The following LRBA variants were observed in gnomAD, a reference collection of about 807,000 sequenced individuals.
LRBA encodes LPS responsive beige-like anchor protein, also known as lipopolysaccharide-responsive and beige-like anchor protein.
Under a neutral mutation model 330.0 loss-of-function variants are expected in LRBA, and 176 were observed. The observed-to-expected ratio is 0.53, with a 90% CI of 0.47 to 0.60. The LOEUF is 0.60. LRBA is among the 20% of genes least tolerant of loss of function. LRBA has a pLI of 0.00. For missense variants in LRBA, 3,259 were observed against 3,444.8 expected (o/e 0.95, Z 1.35); for synonymous variants, 1,230 against 1,193.0 (o/e 1.03, Z -0.64).
chr4:150,651,516 T>G (rs980712761), intron 37 of LRBA, among the ~76,000 whole-genome samples: 2 of 152,172 alleles, frequency 1.3e-5, no homozygotes, highest in African/African-American at 4.8e-5. Context: ...CATTCATTGG[T>G]TTCTGTACCA....
rs183403869 is a variant in LRBA at position 150,535,825 on chromosome 4, T to C, written c.6331-44790A>G. Among the ~76,000 whole-genome samples the C allele has an allele frequency of 2.2e-4, 33 of 152,252 alleles. 1 individual carries two copies. In the East Asian group the frequency reaches 3.9e-3, roughly 18 times the overall value. On this transcript the variant is annotated intron_variant, in intron 40 of 56. Coordinates refer to ENST00000651943, the MANE Select transcript of LRBA (RefSeq NM_001364905.1). ...GACAAGGGTGCTGTGGCCCATACAT[T>C]TGCTAGTATTCCTCTTACTGACTCT...
chr4:150,589,460 T>C (rs1162419026), intron 39 of LRBA, among the ~76,000 whole-genome samples: 1 of 152,214 alleles, frequency 6.6e-6, no homozygotes, highest in African/African-American at 2.4e-5. Flanking sequence ...TTCCCAAAGC[T>C]CATCCTTATA....
intron 51 of LRBA, among the ~76,000 whole-genome samples, chr4:150,312,788 G>T (rs113234157): frequency 1.3e-5 from 2 of 151,994 alleles, no homozygotes; most frequent in Non-Finnish European, 2.9e-5. Context: ...TATATGAATT[G>T]CCACTAATGC....
chr4:150,918,470 C>T (rs142491853), intron 5 of LRBA, among the ~76,000 whole-genome samples: 3 of 152,246 alleles, frequency 2.0e-5, no homozygotes, highest in South Asian at 2.1e-4. Flanking sequence ...AGATACTGGC[C>T]GGGCACGGTG....
rs1418781980 is a variant in LRBA at position 150,565,176 on chromosome 4, C to T, written c.6330+22872G>A. The stretch of plus-strand genomic sequence containing the variant: ...TACACCATGGAATATTATGCAGCCA[C>T]AAAAAAGAATGAGTTCATGTCTTTT... On this transcript the variant is annotated intron_variant, in intron 40 of 56. Coordinates refer to ENST00000651943, the MANE Select transcript of LRBA (RefSeq NM_001364905.1). Among the ~76,000 whole-genome samples, 4 of 152,090 alleles carry T rather than the reference C, an allele frequency of 2.6e-5. No homozygotes were observed. The East Asian group carries it at 7.7e-4, about 29-fold the overall frequency.
At chr4:150,614,691 T>G (rs1054906093) in intron 37 of LRBA, among the ~76,000 whole-genome samples, 4 of 152,090 alleles carry the variant, frequency 2.6e-5, no homozygotes, top group Admixed American at 6.5e-5. Flanking sequence ...GTCCTAAAGC[T>G]AAGTGTAGAG....
Position 150,583,026 on chromosome 4 carries a change from C to T in LRBA, c.6330+5022G>A. On this transcript the variant is annotated intron_variant, in intron 40 of 56. Transcript: ENST00000651943. The surrounding 1 kb of genome is among the most constrained non-coding windows in gnomAD (Gnocchi z 9.8). ...CGGTGTATAGCCCGGACCTGTGCCC[C>T]AACATGATCGCCGCTCAGGCCAAGC... 2 of 1,584,928 alleles carry T rather than the reference C, an allele frequency of 1.3e-6. No individual in the cohort carries two copies. Among genetic ancestry groups the T allele is most frequent in the South Asian group, 1.2e-5 (1 of 86,558 alleles).
At chr4:150,505,143 C>T (rs574076992) in intron 40 of LRBA, among the ~76,000 whole-genome samples, 9 of 152,250 alleles carry the variant, frequency 5.9e-5, no homozygotes, top group African/African-American at 1.9e-4. Context: ...GACTTTAACA[C>T]CCCACTGTCA....
chr4:150,296,409 C>A (rs959043792), intron 53 of LRBA, among the ~76,000 whole-genome samples: 1 of 152,116 alleles, frequency 6.6e-6, no homozygotes, highest in Non-Finnish European at 1.5e-5. Context: ...TATAAAAACA[C>A]TTCAAATCCA....
intron 44 of LRBA, among the ~76,000 whole-genome samples, chr4:150,454,949 A>T: frequency 1.4e-5 from 2 of 147,808 alleles, no homozygotes; most frequent in Non-Finnish European, 1.5e-5. Context: ...ATTTTTTTTT[A>T]TTGCTTACTC....
chr4:150,831,910 A>C lies in LRBA; in HGVS notation c.4636T>G (p.Ser1546Ala). 1.2e-6 allele frequency: 2 copies of C among 1,604,016 alleles called. No homozygotes were observed. Among genetic ancestry groups the C allele is most frequent in the Non-Finnish European group, 1.7e-6 (2 of 1,174,574 alleles). The change falls in exon 29 of 57, where the codon TCC becomes GCC. Residue 1546 changes from serine (S) to alanine (A), a missense_variant. Physicochemically the swap from Ser to Ala is moderately conservative, Grantham distance 99 (BLOSUM62 1). Transcript: ENST00000651943. ...GGTTCCAAAATGTCTCTGTACTTGG[A>C]GACCATAAGAACAGAGATAAAGTAT... is the stretch of plus-strand genomic sequence containing the variant. ...VVYFISVLMV[S>A]KYRDILEPQN...
intron 20 of LRBA, 77 bp from the exon 21 acceptor site, chr4:150,868,382 A>G (rs1753005961): frequency 7.7e-6 from 8 of 1,033,922 alleles, no homozygotes; most frequent in Non-Finnish European, 1.4e-6. Context: ...ATCTATTGCA[A>G]TTTCTTTAGT....
chr4:150,711,373 C>T (rs1313483483), intron 36 of LRBA, among the ~76,000 whole-genome samples: 3 of 151,872 alleles, frequency 2.0e-5, no homozygotes, highest in African/African-American at 7.3e-5. Context: ...GTAGCTGGAA[C>T]TACAGGTGTG....
intron 40 of LRBA, among the ~76,000 whole-genome samples, chr4:150,529,521 G>A (rs950022699): frequency 6.6e-6 from 1 of 152,106 alleles, no homozygotes; most frequent in Non-Finnish European, 1.5e-5. Context: ...TTCAAGATCA[G>A]CCTGACCAAC....
At chr4:151,009,403 G>T (rs1744539640) in intron 2 of LRBA, among the ~76,000 whole-genome samples, 1 of 151,876 alleles carries the variant, frequency 6.6e-6, no homozygotes, top group African/African-American at 2.4e-5. Flanking sequence ...ACAATAATTA[G>T]CTGGGTGTGG....
rs975012512 is a variant in LRBA, at chr4:150,264,959, C to T, written c.*763G>A. On this transcript the variant is annotated 3_prime_UTR_variant, in exon 57 of 57. Transcript: ENST00000651943. Reference sequence around the variant, plus strand: ...CCTCATTGTCCAGGCACAGGCAAACCGCAGTAGTGAGCTTTGGTACTTGCA... The same window carrying T: ...CCTCATTGTCCAGGCACAGGCAAACTGCAGTAGTGAGCTTTGGTACTTGCA... The T allele has an allele frequency of 6.6e-6, 1 of 152,606 alleles. No individual in the cohort carries two copies. The highest frequency in any genetic ancestry group is 2.4e-5 in the African/African-American group (1 of 41,444). The allele number at this position is 152,606 out of a possible 1,614,324, so 9.5% of individuals were successfully genotyped here. A position where few individuals can be genotyped will look rare whatever the true frequency, so the allele number is the denominator to read the frequency against.
chr4:150,893,462 T>C (rs781721811), intron 16 of LRBA, among the ~76,000 whole-genome samples: 1 of 152,044 alleles, frequency 6.6e-6, no homozygotes, highest in South Asian at 2.1e-4. Flanking sequence ...GCAATTCTTG[T>C]GCATAGCCTC....
intron 40 of LRBA, chr4:150,580,479 C>CT (rs2126358571): frequency 6.6e-6 from 1 of 152,246 alleles, no homozygotes; most frequent in African/African-American, 2.4e-5. Flanking sequence ...CCCGGCCGGA[C>CT]TTTAAGAGGG....
At chr4:150,685,757 T>C (rs776996943) in intron 36 of LRBA, among the ~76,000 whole-genome samples, 17 of 151,816 alleles carry the variant, frequency 1.1e-4, no homozygotes, top group Non-Finnish European at 1.5e-4. Context: ...TCTTAGTCTG[T>C]GCAAAACACT....
Sources: gnomAD v4.1 joint callset for allele counts (sites outside exome capture counted in the v4.1 genomes callset) on GRCh38, gnomAD v4.1.1 for gene constraint, Gnocchi (gnomAD v3.1) non-coding constraint, MANE v1.5 for transcripts, NCBI Gene and HGNC (gene_info 2026-07-23, HGNC 2026-07-21) for gene names.